The following EPN2 variants were observed in gnomAD, a reference collection of about 807,000 sequenced individuals.
EPN2 encodes epsin-2.
A neutral mutation model predicts 61.7 loss-of-function variants in EPN2; 34 were observed. The ratio of observed to expected loss-of-function variants is 0.55; its 90% CI spans 0.42 to 0.73. The LOEUF (loss-of-function observed/expected upper bound fraction) is 0.73, where lower values mean the gene tolerates loss of function less well. Among genes scored for constraint, EPN2 ranks in the 30% least tolerant of loss-of-function variants. EPN2 has a pLI of 0.00. For missense variants in EPN2, 714 were observed against 839.2 expected, an observed-to-expected ratio of 0.85 and a Z score of 1.84; for synonymous variants, 349 against 353.6, an observed-to-expected ratio of 0.99 and a Z score of 0.15.
At chr17:19,237,935 C>G (rs2044835913) in intron 1 of EPN2, among the ~76,000 whole-genome samples, 1 of 152,234 alleles carries the variant, frequency 6.6e-6, no homozygotes, top group African/African-American at 2.4e-5. Flanking sequence ...CTCCCCGAGC[C>G]CGGCGCCCCT....
chr17:19,334,009 C>A lies in EPN2; in HGVS notation c.1681C>A (p.Pro561Thr). ...VNPFQVNQPQ[P>T]LTLNQLRGSP... ...CCCTTTCCAGGTGAACCAGCCCCAG[C>A]CGCTGACACTGAACCAGCTTCGGGG... The change falls in exon 11 of 11, where the codon CCG (proline) becomes ACG (threonine). Residue 561 changes from proline (P) to threonine (T), a missense_variant. This residue lies in a region of EPN2 where 410 missense variants were observed against 421.8 expected (regional missense o/e 0.97). Transcript: ENST00000314728. The surrounding 1 kb of genome is among the most constrained non-coding windows in gnomAD (Gnocchi z 4.9). 6.9e-6 allele frequency: 11 copies of A among 1,592,252 alleles called. No homozygotes were observed. Among genetic ancestry groups the A allele is most frequent in the Non-Finnish European group, 7.7e-6 (9 of 1,166,224 alleles).
chr17:19,307,435 T>C (rs925172605), intron 4 of EPN2, among the ~76,000 whole-genome samples: 3 of 152,100 alleles, frequency 2.0e-5, no homozygotes, highest in Non-Finnish European at 4.4e-5. Flanking sequence ...CTCAGCCTCC[T>C]GAGTAGCTGG....
rs867497766 is a variant in EPN2 at position 19,267,180 on chromosome 17, A to G, written c.-293-14775A>G. On this transcript the variant is annotated intron_variant, in intron 1 of 10. Transcript: ENST00000314728. ...ATTTCATTTGTGTGAAATGTCCAGAATAGGGAAATCCATAGGGAGTAGATT... is the reference window on the plus strand; with the variant it reads ...ATTTCATTTGTGTGAAATGTCCAGAGTAGGGAAATCCATAGGGAGTAGATT... Among the ~76,000 whole-genome samples, 3 of 151,862 alleles carry G rather than the reference A, an allele frequency of 2.0e-5. No homozygotes were observed. In the South Asian group the frequency reaches 6.2e-4, roughly 32 times the overall value.
In EPN2 at chr17:19,312,059, G is replaced by T. The variant is rs951398293; in HGVS notation, c.887G>T (p.Arg296Leu). The change falls in exon 6 of 11, where the codon CGC (arginine) becomes CTC (leucine). Residue 296 changes from arginine to leucine, a missense_variant. Physicochemically the swap from Arg to Leu is moderately radical, Grantham distance 102. Around this residue, in one of 2 missense-constraint regions of EPN2, gnomAD observed 304 missense variants for 417.4 expected, o/e 0.73. Transcript: ENST00000314728. ...MSREVAEQEE[R>L]LRRGDDLRLQ... ...TGCATTGTCCCTCTACAGGAAGAAC[G>T]CCTCAGGCGGGGTGATGACCTCAGA... 1.2e-6 allele frequency: 2 copies of T among 1,612,510 alleles called. No homozygotes were observed. Among genetic ancestry groups the T allele is most frequent in the Non-Finnish European group, 1.7e-6 (2 of 1,178,462 alleles).
In EPN2 at chr17:19,285,642, C is replaced by G. The variant is rs754178865; in HGVS notation, c.618C>G (p.Pro206=). ...YHGSPEASLC[P]QHRTGAPLGQ... ...CAGCGCCTGAGGCCTCGCTGTGCCC[C>G]CAGCACCGCACAGGGGCCCCGCTGG... Residue 206 remains proline (P), a synonymous_variant, in exon 4 of 11, where the codon CCC becomes CCG. Coordinates refer to ENST00000314728, the MANE Select transcript of EPN2 (RefSeq NM_014964.5). This position sits in a 1 kb window ranked among gnomAD's most constrained non-coding sequence, Gnocchi z 4.5. 1 of 1,562,330 alleles carries G rather than the reference C, an allele frequency of 6.4e-7. No homozygotes were observed. The highest frequency in any genetic ancestry group is 1.2e-5 in the South Asian group (1 of 84,902).
intron 4 of EPN2, chr17:19,307,980 A>G: frequency 1.0e-6 from 1 of 985,242 alleles, no homozygotes; most frequent in Admixed American, 6.1e-5. Flanking sequence ...ATTGGAAAGT[A>G]AGGCAGAAGC....
At chr17:19,279,443 TG>T (rs1181025375) in intron 1 of EPN2, among the ~76,000 whole-genome samples, 1 of 151,442 alleles carries the variant, frequency 6.6e-6, no homozygotes, top group Admixed American at 6.6e-5. Flanking sequence ...TTCCTTTTTT[TG>T]TTTTTTTTTT....
chr17:19,325,408 G>A (rs1906821095), intron 7 of EPN2, among the ~76,000 whole-genome samples: 1 of 152,190 alleles, frequency 6.6e-6, no homozygotes, highest in African/African-American at 2.4e-5. Context: ...ACATTATGAA[G>A]TACTTTGTTT....
chr17:19,285,558 G>A lies in EPN2; in HGVS notation c.596-62G>A. On this transcript the variant is annotated intron_variant, in intron 3 of 10. Coordinates refer to ENST00000314728, the MANE Select transcript of EPN2 (RefSeq NM_014964.5). This position sits in a 1 kb window ranked among gnomAD's most constrained non-coding sequence, Gnocchi z 4.5. Reference sequence around the variant, plus strand: ...GCCTTGGCCCGTACCTCCTGCAGGGGCTGCTGCGCACCCTCTAATGGCGTG... The same window carrying A: ...GCCTTGGCCCGTACCTCCTGCAGGGACTGCTGCGCACCCTCTAATGGCGTG... The A allele has an allele frequency of 7.1e-7, 1 of 1,399,918 alleles. No individual in the cohort carries two copies. The highest frequency in any genetic ancestry group is 1.5e-5 in the African/African-American group (1 of 68,270). 86.7% of individuals were successfully genotyped at this position (1,399,918 alleles called of 1,614,324 possible). A position where few individuals can be genotyped will look rare whatever the true frequency, so the allele number is the denominator to read the frequency against.
intron 1 of EPN2, among the ~76,000 whole-genome samples, chr17:19,245,664 T>C (rs570510942): frequency 7.0e-5 from 10 of 143,354 alleles, no homozygotes; most frequent in Admixed American, 3.5e-4. Context: ...CTTGATCTCT[T>C]TTTTTTTTTT....
intron 7 of EPN2, among the ~76,000 whole-genome samples, chr17:19,323,667 AAC>A (rs927159646): frequency 5.1e-4 from 77 of 152,356 alleles, no homozygotes; most frequent in African/African-American, 1.6e-3. Flanking sequence ...CTGCAAGAAA[AAC>A]ACAGTCAACT....
At chr17:19,301,424 C>T (rs1905512394) in intron 4 of EPN2, among the ~76,000 whole-genome samples, 1 of 152,164 alleles carries the variant, frequency 6.6e-6, no homozygotes, top group African/African-American at 2.4e-5. Flanking sequence ...GAGTCCACAC[C>T]ATGTGGCAGC....
In EPN2 at chr17:19,283,665, G is replaced by A. The variant is rs745630539; in HGVS notation, c.546G>A (p.Ser182=). The part of the protein sequence containing the change: ...SSQPNLSTSH[S]EQEYGKAGGS... Reference sequence around the variant, plus strand: ...AGCCCAACCTCTCCACCAGCCACTCGGAGCAGGAGTATGGCAAGGCCGGGG... The same window carrying A: ...AGCCCAACCTCTCCACCAGCCACTCAGAGCAGGAGTATGGCAAGGCCGGGG... Residue 182 remains serine (S), a synonymous_variant, in exon 3 of 11, where the codon TCG becomes TCA. Transcript: ENST00000314728. This position sits in a 1 kb window ranked among gnomAD's most constrained non-coding sequence, Gnocchi z 7.0. The A allele has an allele frequency of 1.9e-5, 30 of 1,612,926 alleles. 1 individual carries two copies. Among genetic ancestry groups the A allele is most frequent in the Non-Finnish European group, 2.5e-5 (30 of 1,179,430 alleles).
chr17:19,255,436 CTTTATTTATTTATTTATTTATTTATTTA>C, intron 1 of EPN2, among the ~76,000 whole-genome samples: 1 of 138,348 alleles, frequency 7.2e-6, no homozygotes. Flanking sequence ...TCTTCATTTA[CTTTATTTATTTATTTATTTATTTATTTA>C]TTTATTTATT....
intron 5 of EPN2, 52 bp from the exon 6 acceptor site, chr17:19,312,000 G>C: frequency 8.1e-7 from 1 of 1,235,284 alleles, no homozygotes; most frequent in Admixed American, 1.7e-5. Context: ...GTGTGGCTTT[G>C]TTCTGTACAG....
At chr17:19,288,462 G>C (rs2045426720) in intron 4 of EPN2, among the ~76,000 whole-genome samples, 1 of 152,240 alleles carries the variant, frequency 6.6e-6, no homozygotes, top group Non-Finnish European at 1.5e-5. Flanking sequence ...AGGTAAGAGA[G>C]GGTGGCTTGC....
intron 1 of EPN2, among the ~76,000 whole-genome samples, chr17:19,245,419 CTT>C (rs57599278): frequency 1.0e-3 from 141 of 134,324 alleles, no homozygotes; most frequent in Middle Eastern, 3.7e-3. Context: ...ATTTGGTAGT[CTT>C]TTTTTTTTTT....
intron 1 of EPN2, chr17:19,271,754 G>C (rs1423264035): frequency 6.6e-6 from 1 of 152,402 alleles, no homozygotes; most frequent in African/African-American, 2.4e-5. Context: ...CAAACCGCTT[G>C]TTTTTCTCAC....
intron 1 of EPN2, among the ~76,000 whole-genome samples, chr17:19,257,134 A>T (rs1330481613): frequency 1.3e-5 from 2 of 152,238 alleles, no homozygotes; most frequent in Admixed American, 1.3e-4. Context: ...TAAGCAAATG[A>T]AACCCTAATT....
Sources: gnomAD v4.1 joint callset for allele counts (sites outside exome capture counted in the v4.1 genomes callset) on GRCh38, gnomAD v4.1.1 for gene constraint, gnomAD v4.1.1 regional missense constraint, Gnocchi (gnomAD v3.1) non-coding constraint, MANE v1.5 for transcripts, NCBI Gene and HGNC (gene_info 2026-07-23, HGNC 2026-07-21) for gene names.